DDHD1: variants seen among roughly 807,000 people sequenced by gnomAD.
The protein encoded by DDHD1 is phospholipase DDHD1.
Under a neutral mutation model 96.4 loss-of-function variants are expected in DDHD1, and 49 were observed. The ratio of observed to expected loss-of-function variants is 0.51; its 90% CI spans 0.40 to 0.64. DDHD1 has a LOEUF of 0.64. DDHD1 is among the 30% of genes least tolerant of loss of function. The pLI, the probability that DDHD1 is intolerant of heterozygous loss-of-function variation, is 0.00. For synonymous variants in DDHD1, 442 were observed against 446.5 expected, an observed-to-expected ratio of 0.99 and a Z score of 0.13; for missense variants, 1,106 against 1,161.2, an observed-to-expected ratio of 0.95 and a Z score of 0.69.
At chr14:53,079,377 C>T (rs1446670474) in intron 4 of DDHD1, among the ~76,000 whole-genome samples, 1 of 152,092 alleles carries the variant, frequency 6.6e-6, no homozygotes, top group Non-Finnish European at 1.5e-5. Flanking sequence ...GTACTATAGC[C>T]TGGAACTCCT....
intron 6 of DDHD1, among the ~76,000 whole-genome samples, chr14:53,064,566 A>T (rs560045586): frequency 6.6e-6 from 1 of 152,140 alleles, no homozygotes; most frequent in Non-Finnish European, 1.5e-5. Flanking sequence ...AAAAAACAAG[A>T]TCAAATTATC....
chr14:53,144,567 TAAAC>T (rs1890851095), intron 1 of DDHD1, among the ~76,000 whole-genome samples: 1 of 152,174 alleles, frequency 6.6e-6, no homozygotes, highest in Non-Finnish European at 1.5e-5. Context: ...GTTTAAAAAA[TAAAC>T]AAACTTGGGT....
Position 53,080,717 on chromosome 14 carries a change from C to CTTCCTTTTTTT in DDHD1, c.1290-6871_1290-6870insAAAAAAAGGAA, listed in dbSNP as rs781757807. Among the ~76,000 whole-genome samples, 13 of 89,536 alleles carry CTTCCTTTTTTT rather than the reference C, an allele frequency of 1.5e-4. 3 individuals carry two copies. The highest frequency in any genetic ancestry group is 3.1e-4 in the African/African-American group (6 of 19,286). 58.7% of individuals were successfully genotyped at this position (89,536 alleles called of 152,430 possible). The stretch of plus-strand genomic sequence containing the variant: ...ATAATTTCATTTCTTTTCCTTCCCC[C>CTTCCTTTTTTT]TTTTTTTTTTTTTTTTTTTTGGAGA... On this transcript the variant is annotated intron_variant, in intron 4 of 12. Transcript: ENST00000673822.
chr14:53,117,324 C>A (rs1185962828), intron 1 of DDHD1, among the ~76,000 whole-genome samples: 4 of 152,138 alleles, frequency 2.6e-5, no homozygotes, highest in African/African-American at 4.8e-5. Flanking sequence ...GGAGGGCAAG[C>A]TGAAGTATGG....
Position 53,044,728 on chromosome 14 carries a change from T to TC in DDHD1, c.*2039_*2040insG, listed in dbSNP as rs1313632934. The stretch of plus-strand genomic sequence containing the variant: ...ATACTTGGTCATGGAGCCTTGGAAT[T>TC]TTTTTTAAACATTAAAAAGAAGTGC... On this transcript the variant is annotated 3_prime_UTR_variant, in exon 13 of 13. Coordinates refer to ENST00000673822, the MANE Select transcript of DDHD1 (RefSeq NM_001160148.2). 1.3e-5 allele frequency: 2 copies of TC among 152,136 alleles called. No homozygotes were observed. Among genetic ancestry groups the TC allele is most frequent in the Admixed American group, 1.3e-4 (2 of 15,282 alleles). The allele number at this position is 152,136 out of a possible 1,614,324, so 9.4% of individuals were successfully genotyped here. A position where few individuals can be genotyped will look rare whatever the true frequency, so the allele number is the denominator to read the frequency against.
intron 4 of DDHD1, among the ~76,000 whole-genome samples, chr14:53,079,573 C>T (rs1330429574): frequency 6.6e-6 from 1 of 152,170 alleles, no homozygotes; most frequent in African/African-American, 2.4e-5. Flanking sequence ...TATTCCCTTA[C>T]AATCCTTTTT....
At chr14:53,146,827 A>G (rs1891017056) in intron 1 of DDHD1, among the ~76,000 whole-genome samples, 1 of 152,222 alleles carries the variant, frequency 6.6e-6, no homozygotes, top group Non-Finnish European at 1.5e-5. Flanking sequence ...TACAGTAACT[A>G]TAAAAAAATT....
rs1342768617 is a variant in DDHD1 at position 53,153,277 on chromosome 14, T to C, written c.-179A>G. The C allele has an allele frequency of 2.2e-6, 1 of 458,158 alleles. No homozygotes were observed. The highest frequency in any genetic ancestry group is 3.6e-6 in the Non-Finnish European group (1 of 277,562). 28.4% of individuals were successfully genotyped at this position (458,158 alleles called of 1,614,324 possible). A position where few individuals can be genotyped will look rare whatever the true frequency, so the allele number is the denominator to read the frequency against. On this transcript the variant is annotated 5_prime_UTR_variant, in exon 1 of 13. Transcript: ENST00000673822. The stretch of plus-strand genomic sequence containing the variant: ...CCACGAGACCCGCAGCCGCCGCAGC[T>C]GCGTTCTGCCGCCGGCCCCATTGTC...
At chr14:53,087,179 C>G (rs1378944058) in intron 4 of DDHD1, among the ~76,000 whole-genome samples, 7 of 152,094 alleles carry the variant, frequency 4.6e-5, no homozygotes, top group Non-Finnish European at 5.9e-5. Flanking sequence ...AGAGACCCTA[C>G]AAAGAGACTT....
chr14:53,062,140 C>A lies in DDHD1; in HGVS notation c.1766+803G>T, dbSNP rs571331879. On this transcript the variant is annotated intron_variant, in intron 7 of 12. Coordinates refer to ENST00000673822, the MANE Select transcript of DDHD1 (RefSeq NM_001160148.2). ...TCTAAAATGCTGCTCCGAGTATTGC[C>A]AAACATGACATTTTATTTCAAACCT... 1.3e-3 allele frequency among the ~76,000 whole-genome samples: 194 copies of A among 151,090 alleles called. 1 individual carries two copies. The highest frequency in any genetic ancestry group is 2.5e-3 in the Non-Finnish European group (168 of 67,882).
rs191396565 is a variant in DDHD1, at chr14:53,102,001, T to C, written c.1012+1682A>G. Among the ~76,000 whole-genome samples the C allele has an allele frequency of 1.9e-3, 285 of 152,036 alleles. 2 individuals carry two copies. The highest frequency in any genetic ancestry group is 6.5e-3 in the African/African-American group (268 of 41,528). On this transcript the variant is annotated intron_variant, in intron 2 of 12. Coordinates refer to ENST00000673822, the MANE Select transcript of DDHD1 (RefSeq NM_001160148.2). ...TACTCATCCTCTTTCTCCTCCAAGC[T>C]CCTGGATTTTTTTCATGTGTTAATA...
chr14:53,056,188 A>C (rs1022885036), intron 9 of DDHD1, among the ~76,000 whole-genome samples: 2 of 152,180 alleles, frequency 1.3e-5, no homozygotes, highest in Non-Finnish European at 2.9e-5. Context: ...TAACAATTAG[A>C]TTTATTTTAG....
Position 53,153,031 on chromosome 14 carries a change from GCGCCGC to G in DDHD1, c.62_67del (p.Gly21_Gly22del). ...CCTCGCGTCTGAGCCCAGCTCCCAGGCGCCGCCGCCGCCGCCTCGGCCGTTATGCTC... is the reference window on the plus strand; with the variant it reads ...CCTCGCGTCTGAGCCCAGCTCCCAGGCGCCGCCGCCTCGGCCGTTATGCTC... On this transcript the variant is annotated inframe_deletion, in exon 1 of 13. Transcript: ENST00000673822. 1.3e-6 allele frequency: 2 copies of G among 1,497,974 alleles called. No homozygotes were observed. The highest frequency in any genetic ancestry group is 1.5e-5 in the African/African-American group (1 of 67,756). 92.8% of individuals were successfully genotyped at this position (1,497,974 alleles called of 1,614,324 possible).
In DDHD1 at chr14:53,120,504, A is replaced by C. The variant is rs1165630493; in HGVS notation, c.839-16648T>G. The stretch of plus-strand genomic sequence containing the variant: ...CTGTATAGCCAAGACAATCCTAAGC[A>C]AAAGAACAAATCTGGAGACACCACA... On this transcript the variant is annotated intron_variant, in intron 1 of 12. Coordinates refer to ENST00000673822, the MANE Select transcript of DDHD1 (RefSeq NM_001160148.2). 3.3e-5 allele frequency among the ~76,000 whole-genome samples: 5 copies of C among 152,320 alleles called. No individual in the cohort carries two copies. The East Asian group carries it at 9.6e-4, about 29-fold the overall frequency.
chr14:53,137,277 G>A (rs2139864839), intron 1 of DDHD1, among the ~76,000 whole-genome samples: 1 of 152,194 alleles, frequency 6.6e-6, no homozygotes, highest in Admixed American at 6.5e-5. Context: ...AAACTAAAGT[G>A]AAATACAAAG....
rs1882999587 is a variant in DDHD1 at position 53,055,815 on chromosome 14, T to C, written c.2090A>G (p.His697Arg). Residue 697 changes from histidine (H) to arginine (R), a missense_variant, in exon 10 of 13, where the codon CAT (histidine) becomes CGT (arginine). By Grantham distance (29) the His-to-Arg change is conservative (BLOSUM62 0). Around this residue, in one of 2 missense-constraint regions of DDHD1, gnomAD observed 650 missense variants for 758.8 expected, o/e 0.86. Coordinates refer to ENST00000673822, the MANE Select transcript of DDHD1 (RefSeq NM_001160148.2). ...YNTSNPLPYE[H>R]MKPSFLNPAK... ...TGGGTTGAGAAAGCTTGGCTTCATA[T>C]GTTCATAAGGTAAAGGATTTGAAGT... 1.9e-6 allele frequency: 3 copies of C among 1,613,962 alleles called. No individual in the cohort carries two copies. The highest frequency in any genetic ancestry group is 2.2e-5 in the East Asian group (1 of 44,860).
At chr14:53,106,239 C>T (rs1417967637) in intron 1 of DDHD1, among the ~76,000 whole-genome samples, 1 of 152,190 alleles carries the variant, frequency 6.6e-6, no homozygotes, top group Non-Finnish European at 1.5e-5. Flanking sequence ...AGTAAATTAT[C>T]ACCACATATT....
At chr14:53,053,368 G>C (rs1252035258) in intron 11 of DDHD1, 1 of 152,052 alleles carries the variant, frequency 6.6e-6, no homozygotes, top group Non-Finnish European at 1.5e-5. Flanking sequence ...GAATTTTCCA[G>C]ACTTGCAATT....
chr14:53,077,889 C>T (rs750139533), intron 4 of DDHD1, among the ~76,000 whole-genome samples: 1 of 152,012 alleles, frequency 6.6e-6, no homozygotes, highest in Non-Finnish European at 1.5e-5. Context: ...CAATATGGGG[C>T]CTTTTGTGTC....
Sources: gnomAD v4.1 joint callset for allele counts (sites outside exome capture counted in the v4.1 genomes callset) on GRCh38, gnomAD v4.1.1 for gene constraint, gnomAD v4.1.1 regional missense constraint, MANE v1.5 for transcripts, NCBI Gene and HGNC (gene_info 2026-07-23, HGNC 2026-07-21) for gene names.